The following HIBADH variants were observed in gnomAD, a reference collection of about 807,000 sequenced individuals.
HIBADH encodes 3-hydroxyisobutyrate dehydrogenase.
Under a neutral mutation model 36.1 loss-of-function variants are expected in HIBADH, and 25 were observed. The observed-to-expected ratio is 0.69, with a 90% confidence interval of 0.50 to 0.97. The LOEUF is 0.97. Among genes scored for constraint, HIBADH ranks in the 50% least tolerant of loss-of-function variants. The pLI is 0.00. For synonymous variants in HIBADH, 160 were observed against 149.5 expected (o/e 1.07, Z -0.51); for missense variants, 421 against 418.0 (o/e 1.01, Z -0.06).
intron 4 of HIBADH, among the ~76,000 whole-genome samples, chr7:27,552,986 ATCTC>A (rs1468633638): frequency 6.6e-6 from 1 of 152,196 alleles, no homozygotes; most frequent in African/African-American, 2.4e-5. Context: ...ACATGCATCT[ATCTC>A]TTTTTTTAGA....
intron 4 of HIBADH, among the ~76,000 whole-genome samples, chr7:27,588,382 G>A (rs1345149819): frequency 6.6e-6 from 1 of 152,208 alleles, no homozygotes; most frequent in East Asian, 1.9e-4. Flanking sequence ...AGGATGGAAT[G>A]CAGTGGCATG....
intron 1 of HIBADH, among the ~76,000 whole-genome samples, chr7:27,662,466 G>A (rs2128298700): frequency 6.6e-6 from 1 of 152,272 alleles, no homozygotes; most frequent in African/African-American, 2.4e-5. Flanking sequence ...CGAAAAGGGC[G>A]CTGAACCCGT....
intron 4 of HIBADH, among the ~76,000 whole-genome samples, chr7:27,580,558 CAAGGA>C (rs1171055290): frequency 6.6e-6 from 1 of 152,118 alleles, no homozygotes; most frequent in African/African-American, 2.4e-5. Context: ...TCATAAAACA[CAAGGA>C]AAGATTATTT....
At chr7:27,619,677 A>T (rs918452299) in intron 4 of HIBADH, among the ~76,000 whole-genome samples, 1 of 152,214 alleles carries the variant, frequency 6.6e-6, no homozygotes, top group Admixed American at 6.5e-5. Flanking sequence ...AATATAAAAT[A>T]CATTAGAAAG....
chr7:27,610,639 T>C (rs1032984313), intron 4 of HIBADH, among the ~76,000 whole-genome samples: 1 of 152,186 alleles, frequency 6.6e-6, no homozygotes, highest in African/African-American at 2.4e-5. Context: ...CTGATAGCCC[T>C]TCCCCCTCCA....
chr7:27,592,846 A>G (rs1404253383), intron 4 of HIBADH, among the ~76,000 whole-genome samples: 1 of 119,560 alleles, frequency 8.4e-6, no homozygotes, highest in African/African-American at 3.3e-5. Context: ...CATATGAACA[A>G]AATTAGTAAC....
chr7:27,647,561 T>A (rs180794678), intron 2 of HIBADH: 5 of 183,404 alleles, frequency 2.7e-5, no homozygotes, highest in Non-Finnish European at 2.6e-5. Context: ...TGACACATAG[T>A]AGGTGCTCAC....
rs80058621 is a variant in HIBADH at position 27,640,038 on chromosome 7, T to C, written c.253-7593A>G. On this transcript the variant is annotated intron_variant, in intron 2 of 7. Transcript: ENST00000265395. The stretch of plus-strand genomic sequence containing the variant: ...TATCAGGCCCAGAGAGACGTAAGCA[T>C]AGGACTTTGGTCACCGCCACCCTCC... 3.9e-5 allele frequency among the ~76,000 whole-genome samples: 6 copies of C among 152,302 alleles called. No individual in the cohort carries two copies. The South Asian group carries it at 1.0e-3, about 26-fold the overall frequency.
At chr7:27,608,507 A>C (rs1785269675) in intron 4 of HIBADH, among the ~76,000 whole-genome samples, 2 of 152,304 alleles carry the variant, frequency 1.3e-5, no homozygotes, top group African/African-American at 4.8e-5. Flanking sequence ...AGAAAATCGG[A>C]CTTCTTGAAA....
At position 27,565,619 on chromosome 7, in the gene HIBADH, T is replaced by C. The variant is rs554768892; in HGVS notation, c.485-22519A>G. 2.2e-4 allele frequency among the ~76,000 whole-genome samples: 33 copies of C among 152,344 alleles called. No homozygotes were observed. In the South Asian group the frequency reaches 6.2e-3, roughly 29 times the overall value. ...TGGACAATCATGTCATTTGTGAATA[T>C]GAATAGTTTTATTTCTTTTTATTTT... On this transcript the variant is annotated intron_variant, in intron 4 of 7. Coordinates refer to ENST00000265395, the MANE Select transcript of HIBADH (RefSeq NM_152740.4).
intron 2 of HIBADH, among the ~76,000 whole-genome samples, chr7:27,645,372 T>TTTTTTTG (rs1786046397): frequency 8.4e-6 from 1 of 118,906 alleles, no homozygotes; most frequent in African/African-American, 3.5e-5. Flanking sequence ...GTTTTGATTT[T>TTTTTTTG]TTTTTTTTTT....
At chr7:27,605,979 AACAAGTTATTC>A (rs1409484030) in intron 4 of HIBADH, among the ~76,000 whole-genome samples, 1 of 152,134 alleles carries the variant, frequency 6.6e-6, no homozygotes, top group Non-Finnish European at 1.5e-5. Flanking sequence ...CCTCCTCCCA[AACAAGTTATTC>A]ATCCCACAGT....
intron 4 of HIBADH, among the ~76,000 whole-genome samples, chr7:27,623,248 T>A (rs918112052): frequency 6.6e-6 from 1 of 152,080 alleles, no homozygotes; most frequent in African/African-American, 2.4e-5. Context: ...AGAAGGAACA[T>A]ACCTCAAAAT....
intron 4 of HIBADH, among the ~76,000 whole-genome samples, chr7:27,553,228 A>AT (rs1784343303): frequency 6.6e-6 from 1 of 152,226 alleles, no homozygotes. Flanking sequence ...ATTATAGGCT[A>AT]TATCTGAAAC....
intron 3 of HIBADH, 68 bp downstream of exon 3, chr7:27,632,268 A>G: frequency 6.9e-6 from 7 of 1,016,088 alleles, no homozygotes; most frequent in Non-Finnish European, 1.1e-5. Flanking sequence ...TAATTTCCTA[A>G]TAGTTCTAAC....
chr7:27,601,478 C>T (rs1361140706), intron 4 of HIBADH, among the ~76,000 whole-genome samples: 2 of 151,604 alleles, frequency 1.3e-5, no homozygotes, highest in South Asian at 2.1e-4. Flanking sequence ...ATACTATAAA[C>T]GTGCTAAAAA....
At chr7:27,619,210 G>C (rs1384052543) in intron 4 of HIBADH, among the ~76,000 whole-genome samples, 8 of 152,158 alleles carry the variant, frequency 5.3e-5, no homozygotes, top group Non-Finnish European at 1.2e-4. Context: ...GCTATTTACA[G>C]CCAAGGAAAC....
At chr7:27,585,818 T>C (rs1283617305) in intron 4 of HIBADH, among the ~76,000 whole-genome samples, 1 of 151,996 alleles carries the variant, frequency 6.6e-6, no homozygotes, top group Non-Finnish European at 1.5e-5. Context: ...CCCTTAAAAA[T>C]GGTTGTATTT....
At chr7:27,586,982 G>A (rs368161276) in intron 4 of HIBADH, among the ~76,000 whole-genome samples, 1 of 152,218 alleles carries the variant, frequency 6.6e-6, no homozygotes. Flanking sequence ...GCTGCGCAAC[G>A]TGCCACCCAG....
Sources: gnomAD v4.1 joint callset for allele counts (sites outside exome capture counted in the v4.1 genomes callset) on GRCh38, gnomAD v4.1.1 for gene constraint, MANE v1.5 for transcripts, NCBI Gene and HGNC (gene_info 2026-07-23, HGNC 2026-07-21) for gene names.